The following CHRNA2 variants were observed in gnomAD, a reference collection of about 807,000 sequenced individuals.
CHRNA2 encodes cholinergic receptor nicotinic alpha 2 subunit, also known as neuronal acetylcholine receptor subunit alpha-2.
In CHRNA2, 40 loss-of-function variants were observed where a neutral mutation model predicts 45.5. The observed-to-expected ratio is 0.88, with a 90% CI of 0.68 to 1.15. The LOEUF (loss-of-function observed/expected upper bound fraction) is 1.15. Among genes scored for constraint, CHRNA2 ranks in the 50% most tolerant of loss-of-function variants. The pLI is 0.00. For missense variants in CHRNA2, 655 were observed against 701.7 expected (o/e 0.93, Z 0.75); for synonymous variants, 301 against 296.7 (o/e 1.01, Z -0.15).
intron 4 of CHRNA2, among the ~76,000 whole-genome samples, chr8:27,468,482 A>G (rs1035489894): frequency 2.6e-5 from 4 of 152,184 alleles, no homozygotes; most frequent in Admixed American, 2.0e-4. Context: ...GACTGTCTGG[A>G]CCAGTAGTAT....
At position 27,463,399 on chromosome 8, in the gene CHRNA2, G is replaced by A. The variant is rs1212695727; in HGVS notation, c.1044C>T (p.Phe348=). ...GGGAGCGGTGGTGCACATTGAGCAC[G>A]AAGACGGTGATGACGATGGACAGGG... ...FVTLSIVITV[F]VLNVHHRSPS... Residue 348 remains phenylalanine (F), a synonymous_variant, in exon 6 of 7, where the codon TTC becomes TTT. Transcript: ENST00000407991. This position sits in a 1 kb window ranked among gnomAD's most constrained non-coding sequence, Gnocchi z 6.1. The A allele has an allele frequency of 1.9e-6, 3 of 1,614,038 alleles. No individual in the cohort carries two copies. The highest frequency in any genetic ancestry group is 2.2e-5 in the East Asian group (1 of 44,890).
chr8:27,477,874 C>T lies in CHRNA2; in HGVS notation c.-137+950G>A, dbSNP rs139485001. Among the ~76,000 whole-genome samples the T allele has an allele frequency of 2.1e-3, 317 of 152,260 alleles. 2 individuals are homozygous for T. In the Middle Eastern group the frequency reaches 0.034, roughly 16 times the overall value. ...AAGTGCTCGGACATCAGTGTCCCCACTGGGCTTGTGTCGCTGCTCACGTAC... is the reference window on the plus strand; with the variant it reads ...AAGTGCTCGGACATCAGTGTCCCCATTGGGCTTGTGTCGCTGCTCACGTAC... On this transcript the variant is annotated intron_variant, in intron 1 of 6. Transcript: ENST00000407991.
intron 6 of CHRNA2, among the ~76,000 whole-genome samples, chr8:27,462,180 G>A (rs1812514184): frequency 6.6e-6 from 1 of 152,258 alleles, no homozygotes; most frequent in South Asian, 2.1e-4. Flanking sequence ...GGAAACAGGC[G>A]AAGGTGGTTG....
At position 27,467,312 on chromosome 8, in the gene CHRNA2, C is replaced by G; in HGVS notation, c.366G>C (p.Trp122Cys). ...TGATGTTGCCAAAATCAGTGGGGTT[C>G]CAGCGCAGTTTGTAGTCGCTCCACT... ...KQEWSDYKLR[W>C]NPTDFGNITS... The change falls in exon 5 of 7, where the codon TGG (tryptophan) becomes TGC (cysteine). Residue 122 changes from tryptophan (W) to cysteine (C), a missense_variant. Transcript: ENST00000407991. The G allele has an allele frequency of 1.2e-6, 2 of 1,613,892 alleles. No individual in the cohort carries two copies. Among genetic ancestry groups the G allele is most frequent in the Non-Finnish European group, 1.7e-6 (2 of 1,179,784 alleles).
At position 27,476,910 on chromosome 8, in the gene CHRNA2, T is replaced by A. The variant is rs77357825; in HGVS notation, c.-137+1914A>T. Among the ~76,000 whole-genome samples, 792 of 152,034 alleles carry A rather than the reference T, an allele frequency of 5.2e-3. 7 individuals are homozygous for A. Among genetic ancestry groups the A allele is most frequent in the African/African-American group, 0.018 (738 of 41,454 alleles). ...TTATGTTGTTTTCAGGTTTACAAGG[T>A]ACTTTTGCAGCTTTCACCTATTTGG... On this transcript the variant is annotated intron_variant, in intron 1 of 6. Transcript: ENST00000407991.
chr8:27,475,611 C>G (rs972947252), intron 1 of CHRNA2: 1 of 152,128 alleles, frequency 6.6e-6, no homozygotes, highest in Non-Finnish European at 1.5e-5. Context: ...AAAAAATCTA[C>G]AGATGGACAG....
chr8:27,467,401 C>A, intron 4 of CHRNA2, 63 bp from the exon 5 acceptor site: 1 of 1,331,572 alleles, frequency 7.5e-7, no homozygotes, highest in East Asian at 2.3e-5. Context: ...GCAAAGCTAG[C>A]ACACCCCGGG....
chr8:27,471,432 C>T (rs947755727), intron 1 of CHRNA2, among the ~76,000 whole-genome samples: 1 of 152,216 alleles, frequency 6.6e-6, no homozygotes, highest in Admixed American at 6.5e-5. Context: ...CAAAGGAGGG[C>T]ACAGGATGGG....
chr8:27,470,269 A>T (rs1244572390), intron 2 of CHRNA2, among the ~76,000 whole-genome samples: 1 of 152,168 alleles, frequency 6.6e-6, no homozygotes, highest in Non-Finnish European at 1.5e-5. Flanking sequence ...ATTCAGCCCC[A>T]TATGGAGGAG....
chr8:27,463,286 G>C lies in CHRNA2; in HGVS notation c.1157C>G (p.Pro386Arg). The C allele has an allele frequency of 6.2e-7, 1 of 1,609,150 alleles. No individual in the cohort carries two copies. The highest frequency in any genetic ancestry group is 8.5e-7 in the Non-Finnish European group (1 of 1,176,268). Residue 386 changes from proline to arginine, a missense_variant, in exon 6 of 7, where the codon CCC becomes CGC. Physicochemically the swap from Pro to Arg is moderately radical, Grantham distance 103 (BLOSUM62 -2). This residue lies in a region of CHRNA2 where 295 missense variants were observed against 280.4 expected (regional missense o/e 1.05). Coordinates refer to ENST00000407991, the MANE Select transcript of CHRNA2 (RefSeq NM_000742.4). The surrounding 1 kb of genome is among the most constrained non-coding windows in gnomAD (Gnocchi z 6.1). ...RWLLMNRPPP[P>R]VELCHPLRLK... ...GCGTAGGGGGTGGCAGAGCTCCACG[G>C]GTGGTGGGGGCCGGTTCATCAGAAG...
At position 27,463,380 on chromosome 8, in the gene CHRNA2, G is replaced by C. The variant is rs56339365; in HGVS notation, c.1063C>G (p.Arg355Gly). 32 of 1,613,994 alleles carry C rather than the reference G, an allele frequency of 2.0e-5. No individual in the cohort carries two copies. Among genetic ancestry groups the C allele is most frequent in the Non-Finnish European group, 8.5e-6 (10 of 1,180,052 alleles). Residue 355 changes from arginine to glycine, a missense_variant, in exon 6 of 7, where the codon CGC becomes GGC. Transcript: ENST00000407991. This position sits in a 1 kb window ranked among gnomAD's most constrained non-coding sequence, Gnocchi z 6.1. ...ITVFVLNVHH[R>G]SPSTHTMPHW... ...GGCATGGTGTGGGTGCTGGGGGAGC[G>C]GTGGTGCACATTGAGCACGAAGACG... is the stretch of plus-strand genomic sequence containing the variant.
chr8:27,463,736 G>A lies in CHRNA2; in HGVS notation c.707C>T (p.Ala236Val). 1 of 1,614,072 alleles carries A rather than the reference G, an allele frequency of 6.2e-7. No individual in the cohort carries two copies. The highest frequency in any genetic ancestry group is 8.5e-7 in the Non-Finnish European group (1 of 1,180,012). The change falls in exon 6 of 7, where the codon GCC becomes GTC. Residue 236 changes from alanine to valine, a missense_variant. By Grantham distance (64) the Ala-to-Val change is moderately conservative (BLOSUM62 0). Around this residue, in one of 3 missense-constraint regions of CHRNA2, gnomAD observed 323 missense variants for 354.4 expected, o/e 0.91. Transcript: ENST00000407991. This position sits in a 1 kb window ranked among gnomAD's most constrained non-coding sequence, Gnocchi z 6.1. ...CTTCTTGCTGTTGTAGGTGCCCGTG[G>A]CATTGACGATGGCCCACTCGCCGCT... The part of the protein sequence containing the change: ...WESGEWAIVN[A>V]TGTYNSKKYD...
At chr8:27,478,337 G>A (rs1211736415) in intron 1 of CHRNA2, among the ~76,000 whole-genome samples, 2 of 152,190 alleles carry the variant, frequency 1.3e-5, no homozygotes, top group African/African-American at 4.8e-5. Flanking sequence ...GTGGGATCTT[G>A]AAGGTCATCT....
intron 4 of CHRNA2, among the ~76,000 whole-genome samples, chr8:27,468,887 C>A (rs956867907): frequency 6.6e-6 from 1 of 152,188 alleles, no homozygotes; most frequent in African/African-American, 2.4e-5. Flanking sequence ...ATTTGGGTGG[C>A]AGTATAGGTA....
At position 27,469,919 on chromosome 8, in the gene CHRNA2, G is replaced by T. The variant is rs770203806; in HGVS notation, c.136C>A (p.Pro46Thr). The T allele has an allele frequency of 3.7e-6, 6 of 1,614,146 alleles. No individual in the cohort carries two copies. The South Asian group carries it at 5.5e-5, about 15-fold the overall frequency. ...APGDPLSSPS[P>T]TALPQGGSHT... ...GAGCCTCCCTGCGGCAATGCCGTGG[G>T]ACTGGGAGAGGAGAGTGGGTCTCCA... The change falls in exon 3 of 7, where the codon CCC becomes ACC. Residue 46 changes from proline (P) to threonine (T), a missense_variant. Pro to Thr is a conservative substitution (Grantham distance 38, BLOSUM62 -1). Transcript: ENST00000407991.
intron 5 of CHRNA2, 141 bp downstream of exon 5, chr8:27,467,088 G>C (rs1475352624): frequency 2.9e-6 from 2 of 686,906 alleles, no homozygotes; most frequent in Non-Finnish European, 5.3e-6. Flanking sequence ...AATAGAGAGA[G>C]AGGTAGGGGA....
chr8:27,469,312 G>A (rs910397272), intron 4 of CHRNA2, 23 bp downstream of exon 4: 1 of 1,518,938 alleles, frequency 6.6e-7, no homozygotes, highest in Non-Finnish European at 8.8e-7. Context: ...CCGCCACCTG[G>A]ACTGGAGGAG....
rs747493891 is a variant in CHRNA2, at chr8:27,463,755, C to T, written c.688G>A (p.Glu230Lys). ...VDLKDYWESGEWAIVNATGTY... is the reference protein window; with the variant it reads ...VDLKDYWESGKWAIVNATGTY... ...CCCGTGGCATTGACGATGGCCCACT[C>T]GCCGCTCTCCCAGTAGTCCTTCAGG... The change falls in exon 6 of 7, where the codon GAG becomes AAG. Residue 230 changes from glutamate (E) to lysine (K), a missense_variant. By Grantham distance (56) the Glu-to-Lys change is moderately conservative (BLOSUM62 1). Coordinates refer to ENST00000407991, the MANE Select transcript of CHRNA2 (RefSeq NM_000742.4). This position sits in a 1 kb window ranked among gnomAD's most constrained non-coding sequence, Gnocchi z 6.1. 7 of 1,614,064 alleles carry T rather than the reference C, an allele frequency of 4.3e-6. No homozygotes were observed. The South Asian group carries it at 4.4e-5, about 10-fold the overall frequency.
rs1340331370 is a variant in CHRNA2 at position 27,471,060 on chromosome 8, G to A, written c.-2C>T. The A allele has an allele frequency of 3.7e-6, 6 of 1,613,898 alleles. No homozygotes were observed. Among genetic ancestry groups the A allele is most frequent in the Non-Finnish European group, 5.1e-6 (6 of 1,179,934 alleles). ...GAACACAGGACAGGAGGGGCCCATGGCTTCTCCTGAGCATCAGGAGGTCAG... is the reference window on the plus strand; with the variant it reads ...GAACACAGGACAGGAGGGGCCCATGACTTCTCCTGAGCATCAGGAGGTCAG... On this transcript the variant is annotated 5_prime_UTR_variant, in exon 2 of 7. Transcript: ENST00000407991.
Sources: gnomAD v4.1 joint callset for allele counts (sites outside exome capture counted in the v4.1 genomes callset) on GRCh38, gnomAD v4.1.1 for gene constraint, gnomAD v4.1.1 regional missense constraint, Gnocchi (gnomAD v3.1) non-coding constraint, MANE v1.5 for transcripts, NCBI Gene and HGNC (gene_info 2026-07-23, HGNC 2026-07-21) for gene names.